The following TNFRSF10A variants were observed in gnomAD, a reference collection of about 807,000 sequenced individuals.
The protein encoded by TNFRSF10A is tumor necrosis factor receptor superfamily member 10A.
In TNFRSF10A, 44 loss-of-function variants were observed where a neutral mutation model predicts 42.8. That is an observed-to-expected ratio of 1.03 (90% CI 0.81 to 1.32). TNFRSF10A has a LOEUF of 1.32. Among genes scored for constraint, TNFRSF10A ranks in the 40% most tolerant of loss-of-function variants. The pLI, the probability that TNFRSF10A is intolerant of heterozygous loss-of-function variation, is 0.00. For synonymous variants in TNFRSF10A, 259 were observed against 234.2 expected (o/e 1.11, Z -0.97); for missense variants, 680 against 602.0 (o/e 1.13, Z -1.36).
At chr8:23,205,319 A>G (rs970574539) in intron 2 of TNFRSF10A, among the ~76,000 whole-genome samples, 1 of 152,180 alleles carries the variant, frequency 6.6e-6, no homozygotes, top group Non-Finnish European at 1.5e-5. Context: ...ATCGCTTAGT[A>G]ATGTCATAAG....
rs1404916239 is a variant in TNFRSF10A, at chr8:23,206,735, G to T, written c.404-3974C>A. Among the ~76,000 whole-genome samples, 12 of 152,072 alleles carry T rather than the reference G, an allele frequency of 7.9e-5. 1 individual carries two copies. In the South Asian group the frequency reaches 1.2e-3, roughly 16 times the overall value. On this transcript the variant is annotated intron_variant, in intron 2 of 9. Transcript: ENST00000221132. Reference sequence around the variant, plus strand: ...ATATAGAAATAAAAAAATTATAAAAGAATACTATGAAACCTGTACAACAAA... The same window carrying T: ...ATATAGAAATAAAAAAATTATAAAATAATACTATGAAACCTGTACAACAAA...
rs1406148061 is a variant in TNFRSF10A, at chr8:23,224,877, T to G, written c.185A>C (p.His62Pro). The change falls in exon 1 of 10, where the codon CAC becomes CCC. Residue 62 changes from histidine to proline, a missense_variant. Coordinates refer to ENST00000221132, the MANE Select transcript of TNFRSF10A (RefSeq NM_003844.4). ...TGCCCGGGCCCGGGCACTGGGTCCG[T>G]GCTGTCCCATGGAGGTAGGGAGCGC... is the stretch of plus-strand genomic sequence containing the variant. ...RGALPTSMGQ[H>P]GPSARARAGR... 1 of 1,581,896 alleles carries G rather than the reference T, an allele frequency of 6.3e-7. No individual in the cohort carries two copies. The highest frequency in any genetic ancestry group is 1.1e-5 in the South Asian group (1 of 87,096).
intron 1 of TNFRSF10A, among the ~76,000 whole-genome samples, chr8:23,215,122 T>A (rs1801158904): frequency 6.6e-6 from 1 of 152,236 alleles, no homozygotes; most frequent in South Asian, 2.1e-4. Context: ...GTTCTGTGGG[T>A]AGCTTGCTCT....
At chr8:23,221,011 C>G (rs113224569) in intron 1 of TNFRSF10A, among the ~76,000 whole-genome samples, 12 of 152,360 alleles carry the variant, frequency 7.9e-5, no homozygotes, top group African/African-American at 2.6e-4. Context: ...TTTGTCCTAA[C>G]TTGAAGTCTG....
chr8:23,213,833 T>G (rs1202782875), intron 1 of TNFRSF10A, among the ~76,000 whole-genome samples: 9 of 152,230 alleles, frequency 5.9e-5, no homozygotes, highest in Non-Finnish European at 1.0e-4. Context: ...CAGCTATCAT[T>G]TTCCATTATA....
chr8:23,214,057 G>T (rs891537748), intron 1 of TNFRSF10A, among the ~76,000 whole-genome samples: 2 of 150,824 alleles, frequency 1.3e-5, no homozygotes, highest in African/African-American at 4.9e-5. Context: ...TTTTGAGGGG[G>T]GTGGGGCCTC....
Position 23,200,145 on chromosome 8 carries a change from C to T in TNFRSF10A, c.800-228G>A, listed in dbSNP as rs11776004. The stretch of plus-strand genomic sequence containing the variant: ...AAGTGGAACATCACTGTTTTCTGCT[C>T]TGTGTTTTGCTCTGAACAAAGCTAC... On this transcript the variant is annotated intron_variant, in intron 6 of 9. Transcript: ENST00000221132. Among the ~76,000 whole-genome samples, 328 of 152,336 alleles carry T rather than the reference C, an allele frequency of 2.2e-3. 2 individuals are homozygous for T. The highest frequency in any genetic ancestry group is 3.4e-3 in the Non-Finnish European group (228 of 68,022).
At chr8:23,207,938 C>G (rs979952384) in intron 2 of TNFRSF10A, among the ~76,000 whole-genome samples, 1 of 151,442 alleles carries the variant, frequency 6.6e-6, no homozygotes, top group Admixed American at 6.6e-5. Context: ...AAATTGGTAC[C>G]AGTAGAGTGG....
intron 1 of TNFRSF10A, among the ~76,000 whole-genome samples, chr8:23,222,849 C>T (rs968133525): frequency 2.6e-5 from 4 of 152,032 alleles, no homozygotes; most frequent in Non-Finnish European, 4.4e-5. Context: ...CCTGGCCCCT[C>T]CCCGTCTCCC....
At chr8:23,223,592 T>A (rs1801286978) in intron 1 of TNFRSF10A, among the ~76,000 whole-genome samples, 2 of 152,260 alleles carry the variant, frequency 1.3e-5, no homozygotes, top group Non-Finnish European at 2.9e-5. Flanking sequence ...TTTGGAGATT[T>A]CAAAATGCTA....
At position 23,199,432 on chromosome 8, in the gene TNFRSF10A, A is replaced by C. The variant is rs770604411; in HGVS notation, c.848T>G (p.Leu283Trp). The C allele has an allele frequency of 1.2e-6, 2 of 1,612,030 alleles. No homozygotes were observed. The highest frequency in any genetic ancestry group is 1.1e-5 in the South Asian group (1 of 91,068). Residue 283 changes from leucine (L) to tryptophan (W), a missense_variant, in exon 8 of 10, where the codon TTG becomes TGG. Physicochemically the swap from Leu to Trp is moderately conservative, Grantham distance 61. Coordinates refer to ENST00000221132, the MANE Select transcript of TNFRSF10A (RefSeq NM_003844.4). ...KCMDRVCFWR[L>W]GLLRGPGAED... ...AGCCCCAGGCCCTCGTAGGAGACCCAAGCGCCAGAAACACACCTTAGGAAG... is the reference window on the plus strand; with the variant it reads ...AGCCCCAGGCCCTCGTAGGAGACCCCAGCGCCAGAAACACACCTTAGGAAG...
At chr8:23,211,031 A>G (rs1220511840) in intron 2 of TNFRSF10A, among the ~76,000 whole-genome samples, 2 of 152,236 alleles carry the variant, frequency 1.3e-5, no homozygotes, top group East Asian at 1.9e-4. Flanking sequence ...CTTTTATTCA[A>G]TATGGTACTG....
At chr8:23,199,997 GGTGGGCT>G in intron 6 of TNFRSF10A, 80 bp from the exon 7 acceptor site, 1 of 1,574,942 alleles carries the variant, frequency 6.3e-7, no homozygotes, top group Non-Finnish European at 8.7e-7. Context: ...GTTGGGCAGG[GGTGGGCT>G]GGGGGCTGGG....
At chr8:23,223,784 G>T (rs2128852514) in intron 1 of TNFRSF10A, among the ~76,000 whole-genome samples, 1 of 152,328 alleles carries the variant, frequency 6.6e-6, no homozygotes, top group African/African-American at 2.4e-5. Flanking sequence ...GAAGGCATTG[G>T]CATTTTTCCA....
At position 23,207,394 on chromosome 8, in the gene TNFRSF10A, A is replaced by T. The variant is rs958107615; in HGVS notation, c.404-4633T>A. 33 of 549,730 alleles carry T rather than the reference A, an allele frequency of 6.0e-5. 1 individual carries two copies. Among genetic ancestry groups the T allele is most frequent in the Middle Eastern group, 5.9e-4 (1 of 1,696 alleles). 34.1% of individuals were successfully genotyped at this position (549,730 alleles called of 1,614,324 possible). A position where few individuals can be genotyped will look rare whatever the true frequency, so the allele number is the denominator to read the frequency against. On this transcript the variant is annotated intron_variant, in intron 2 of 9. Coordinates refer to ENST00000221132, the MANE Select transcript of TNFRSF10A (RefSeq NM_003844.4). ...AACTGAATCCAGCTGGCTAATTCTA[A>T]ATACATGTATATGTTTTCACCAGAA...
chr8:23,210,223 G>GGTAT (rs762835078), intron 2 of TNFRSF10A, among the ~76,000 whole-genome samples: 1 of 151,942 alleles, frequency 6.6e-6, no homozygotes, highest in Non-Finnish European at 1.5e-5. Flanking sequence ...GCCAGCTTTG[G>GGTAT]GTATGTCTTT....
chr8:23,201,588 G>C (rs1333244501), intron 4 of TNFRSF10A, among the ~76,000 whole-genome samples: 1 of 152,038 alleles, frequency 6.6e-6, no homozygotes, highest in Admixed American at 6.6e-5. Context: ...GGGGTGAGAA[G>C]GGGCCACTGC....
rs1169750241 is a variant in TNFRSF10A at position 23,212,131 on chromosome 8, C to G, written c.388G>C (p.Glu130Gln). The G allele has an allele frequency of 2.5e-6, 4 of 1,613,564 alleles. No homozygotes were observed. Among genetic ancestry groups the G allele is most frequent in the South Asian group, 2.2e-5 (2 of 91,074 alleles). ...TQQWEHSPLG[E>Q]LCPPGSHRSE... ...TAGAATGTACCTGGTGGACACAACT[C>G]TCCCAAAGGGCTATGTTCCCATTGC... Residue 130 changes from glutamate to glutamine, a missense_variant, in exon 2 of 10, where the codon GAG becomes CAG. Transcript: ENST00000221132.
chr8:23,220,429 A>C (rs1185888404), intron 1 of TNFRSF10A, among the ~76,000 whole-genome samples: 2 of 152,208 alleles, frequency 1.3e-5, no homozygotes, highest in Admixed American at 6.5e-5. Flanking sequence ...TCAGGCTATC[A>C]AAGAGCCCAG....
Sources: gnomAD v4.1 joint callset for allele counts (sites outside exome capture counted in the v4.1 genomes callset) on GRCh38, gnomAD v4.1.1 for gene constraint, MANE v1.5 for transcripts, NCBI Gene and HGNC (gene_info 2026-07-23, HGNC 2026-07-21) for gene names.